RAI14: variants seen among roughly 807,000 people sequenced by gnomAD.
RAI14 encodes the protein retinoic acid induced 14.
In RAI14, 45 loss-of-function variants were observed where a neutral mutation model predicts 115.4. That is an observed-to-expected ratio of 0.39 (90% CI 0.31 to 0.50). The LOEUF (loss-of-function observed/expected upper bound fraction) is 0.50, where lower values mean the gene tolerates loss of function less well. RAI14 is among the 20% of genes least tolerant of loss of function. The pLI, the probability that RAI14 is intolerant of heterozygous loss-of-function variation, is 0.85. For synonymous variants in RAI14, 371 were observed against 415.4 expected (o/e 0.89, Z 1.30); for missense variants, 939 against 1,131.2 (o/e 0.83, Z 2.44).
chr5:34,695,023 T>A (rs906318036), intron 2 of RAI14, among the ~76,000 whole-genome samples: 1 of 152,146 alleles, frequency 6.6e-6, no homozygotes, highest in Admixed American at 6.5e-5. Flanking sequence ...CTCAGCCTTC[T>A]GAGTAGCTGT....
intron 15 of RAI14, among the ~76,000 whole-genome samples, chr5:34,825,345 G>A (rs1757330541): frequency 6.6e-6 from 1 of 152,158 alleles, no homozygotes. Flanking sequence ...TCATATATCT[G>A]TCCTTTAAAA....
chr5:34,732,299 G>A (rs368060669), intron 2 of RAI14, among the ~76,000 whole-genome samples: 36 of 152,272 alleles, frequency 2.4e-4, no homozygotes, highest in African/African-American at 8.7e-4. Flanking sequence ...GTGGCCCATG[G>A]ACTCGACAGT....
At chr5:34,763,905 C>T (rs903278408) in intron 3 of RAI14, among the ~76,000 whole-genome samples, 1 of 152,166 alleles carries the variant, frequency 6.6e-6, no homozygotes, top group African/African-American at 2.4e-5. Flanking sequence ...GGCTAGAGTA[C>T]AGTGGAGTGG....
chr5:34,716,035 C>T (rs1464333475), intron 2 of RAI14: 5 of 445,980 alleles, frequency 1.1e-5, no homozygotes, highest in African/African-American at 8.1e-5. Flanking sequence ...AGAAAAACAA[C>T]CATATTTCCT....
intron 3 of RAI14, among the ~76,000 whole-genome samples, chr5:34,776,806 T>TA (rs1302558645): frequency 1.1e-5 from 1 of 89,798 alleles, no homozygotes; most frequent in Non-Finnish European, 3.1e-5. Flanking sequence ...GACCCTTTAT[T>TA]AAAAAAACCC....
intron 3 of RAI14, among the ~76,000 whole-genome samples, chr5:34,771,083 G>C (rs982925650): frequency 1.3e-5 from 2 of 152,246 alleles, no homozygotes; most frequent in Middle Eastern, 3.4e-3. Flanking sequence ...TTTTTAAAAG[G>C]AAAGAAGGGA....
chr5:34,803,579 C>A (rs1229184593), intron 4 of RAI14, 133 bp from the exon 5 acceptor site: 12 of 756,150 alleles, frequency 1.6e-5, no homozygotes, highest in South Asian at 3.7e-5. Context: ...AACAAACAAA[C>A]AAAAAAACAC....
chr5:34,755,160 A>C lies in RAI14; in HGVS notation c.37-2308A>C, dbSNP rs879601864. 6.3e-3 allele frequency among the ~76,000 whole-genome samples: 962 copies of C among 152,124 alleles called. 5 individuals are homozygous for C. Among genetic ancestry groups the C allele is most frequent in the Non-Finnish European group, 0.01 (703 of 67,992 alleles). ...GCACTGTGTTTCTTGGGGCTTGATC[A>C]TTTGCTGTAGTTGTTTGTACAGTTG... On this transcript the variant is annotated intron_variant, in intron 2 of 17. Coordinates refer to ENST00000265109, the MANE Select transcript of RAI14 (RefSeq NM_015577.3).
intron 3 of RAI14, among the ~76,000 whole-genome samples, chr5:34,763,164 C>T (rs1202859989): frequency 6.6e-6 from 1 of 152,150 alleles, no homozygotes; most frequent in East Asian, 1.9e-4. Flanking sequence ...GTTGCACATT[C>T]TCCCTTCCTG....
chr5:34,668,268 C>T (rs770561834), intron 1 of RAI14, among the ~76,000 whole-genome samples: 14 of 152,162 alleles, frequency 9.2e-5, no homozygotes, highest in Non-Finnish European at 5.9e-5. Context: ...ATGGCGCACG[C>T]CTGTGATCCC....
At chr5:34,668,355 T>C (rs958907123) in intron 1 of RAI14, among the ~76,000 whole-genome samples, 2 of 150,492 alleles carry the variant, frequency 1.3e-5, no homozygotes, top group African/African-American at 2.4e-5. Flanking sequence ...GAGTACACCA[T>C]TGCACTCCAG....
At chr5:34,711,362 C>T (rs1174508569) in intron 2 of RAI14, among the ~76,000 whole-genome samples, 2 of 151,930 alleles carry the variant, frequency 1.3e-5, no homozygotes, top group Admixed American at 1.3e-4. Flanking sequence ...TACAGAGAAC[C>T]TTCTTAAGGG....
chr5:34,806,904 G>A lies in RAI14; in HGVS notation c.322-896G>A, dbSNP rs576738610. On this transcript the variant is annotated intron_variant, in intron 5 of 17. Transcript: ENST00000265109. ...CCAGCCTGTCTGAGTTTGAATCTTG[G>A]CTCTGCCATTTACTGCGACTTGAGC... 5.3e-5 allele frequency among the ~76,000 whole-genome samples: 8 copies of A among 152,290 alleles called. No individual in the cohort carries two copies. In the South Asian group the frequency reaches 1.5e-3, roughly 28 times the overall value.
At chr5:34,759,410 T>A (rs999797373) in intron 3 of RAI14, among the ~76,000 whole-genome samples, 1 of 152,184 alleles carries the variant, frequency 6.6e-6, no homozygotes, top group Non-Finnish European at 1.5e-5. Context: ...AAGCAAAGCT[T>A]CCTCTGTATT....
chr5:34,700,944 G>T (rs1051485160), intron 2 of RAI14, among the ~76,000 whole-genome samples: 1 of 152,210 alleles, frequency 6.6e-6, no homozygotes. Context: ...TAACTGACTG[G>T]CATCTGTGTC....
intron 3 of RAI14, among the ~76,000 whole-genome samples, chr5:34,782,527 T>C (rs764982912): frequency 3.9e-5 from 6 of 152,210 alleles, no homozygotes; most frequent in Non-Finnish European, 8.8e-5. Context: ...CTGGGATGCT[T>C]TAAATATTTG....
At chr5:34,829,608 G>A in intron 16 of RAI14, 124 bp from the exon 17 acceptor site, 1 of 656,224 alleles carries the variant, frequency 1.5e-6, no homozygotes, top group African/African-American at 1.9e-5. Context: ...GAAGCTTCCA[G>A]TGCTAGCATA....
chr5:34,815,479 C>T (rs911596258), intron 12 of RAI14, among the ~76,000 whole-genome samples: 8 of 152,186 alleles, frequency 5.3e-5, no homozygotes, highest in African/African-American at 1.9e-4. Context: ...AGGAGAATTA[C>T]TTGAACCCAG....
intron 5 of RAI14, among the ~76,000 whole-genome samples, 174 bp downstream of exon 5, chr5:34,803,950 C>G (rs1754578322): frequency 6.6e-6 from 1 of 152,142 alleles, no homozygotes; most frequent in African/African-American, 2.4e-5. Flanking sequence ...AAGACTGTCT[C>G]CATAGCAACT....
Sources: gnomAD v4.1 joint callset for allele counts (sites outside exome capture counted in the v4.1 genomes callset) on GRCh38, gnomAD v4.1.1 for gene constraint, MANE v1.5 for transcripts, NCBI Gene and HGNC (gene_info 2026-07-23, HGNC 2026-07-21) for gene names.